The following SNTG2 variants were observed in gnomAD, a reference collection of about 807,000 sequenced individuals.
SNTG2 encodes syntrophin gamma 2, also known as gamma-2-syntrophin.
SNTG2 carries 74 observed loss-of-function variants against 70.9 expected under a neutral mutation model. The ratio of observed to expected loss-of-function variants is 1.04; its 90% CI spans 0.86 to 1.27. The LOEUF (loss-of-function observed/expected upper bound fraction) is 1.27. Ranked by LOEUF, SNTG2 falls within the 50% of genes most tolerant of loss-of-function variation. SNTG2 has a pLI of 0.00. For synonymous variants in SNTG2, 278 were observed against 273.8 expected (o/e 1.02, Z -0.15); for missense variants, 717 against 690.7 (o/e 1.04, Z -0.43).
intron 1 of SNTG2, among the ~76,000 whole-genome samples, chr2:999,218 A>G (rs778706804): frequency 1.3e-5 from 2 of 152,126 alleles, no homozygotes; most frequent in African/African-American, 2.4e-5. Context: ...TTATAAAACA[A>G]TTATGCAAAT....
chr2:1,123,112 ATAAT>A (rs1336063492), intron 4 of SNTG2, among the ~76,000 whole-genome samples: 2 of 152,228 alleles, frequency 1.3e-5, no homozygotes, highest in African/African-American at 4.8e-5. Context: ...TGGGCTCATC[ATAAT>A]TAATATTGCT....
At chr2:1,191,359 G>GT (rs1308412240) in intron 8 of SNTG2, among the ~76,000 whole-genome samples, 6 of 152,232 alleles carry the variant, frequency 3.9e-5, no homozygotes, top group African/African-American at 1.4e-4. Context: ...TCTTAAAGCA[G>GT]TCCCCCAGAT....
chr2:1,303,966 A>G (rs571478125), intron 14 of SNTG2, among the ~76,000 whole-genome samples: 1 of 152,110 alleles, frequency 6.6e-6, no homozygotes, highest in African/African-American at 2.4e-5. Flanking sequence ...TGTAGCTTAA[A>G]AACTTTCAAA....
At chr2:999,604 T>G (rs1164347216) in intron 1 of SNTG2, among the ~76,000 whole-genome samples, 1 of 151,998 alleles carries the variant, frequency 6.6e-6, no homozygotes, top group African/African-American at 2.4e-5. Flanking sequence ...CAATCATAAA[T>G]ATACATGCCC....
intron 14 of SNTG2, among the ~76,000 whole-genome samples, chr2:1,291,696 T>C (rs1175850213): frequency 6.6e-6 from 1 of 152,232 alleles, no homozygotes; most frequent in Non-Finnish European, 1.5e-5. Flanking sequence ...TTCTGTTCCA[T>C]TGATCTATGT....
chr2:1,228,785 G>A (rs1415100659), intron 9 of SNTG2, among the ~76,000 whole-genome samples: 2 of 152,226 alleles, frequency 1.3e-5, no homozygotes, highest in East Asian at 1.9e-4. Context: ...CTTCAAGAAC[G>A]AAGCCGCGGA....
chr2:1,243,940 C>T (rs60684205), intron 11 of SNTG2, among the ~76,000 whole-genome samples: 29,122 of 152,058 alleles, frequency 0.19, 4,045 homozygotes, highest in African/African-American at 0.38. Flanking sequence ...GCAGGAGAAT[C>T]GCTTCAACCC....
chr2:960,040 T>C (rs752583158), intron 1 of SNTG2, among the ~76,000 whole-genome samples: 2 of 152,164 alleles, frequency 1.3e-5, no homozygotes, highest in African/African-American at 2.4e-5. Flanking sequence ...AAAATGATAA[T>C]TTTCATAGTT....
intron 6 of SNTG2, among the ~76,000 whole-genome samples, chr2:1,155,351 CCACA>C: frequency 6.6e-6 from 1 of 152,018 alleles, no homozygotes; most frequent in Admixed American, 6.5e-5. Flanking sequence ...ACCACACACA[CCACA>C]CACACATGTC....
chr2:1,042,582 T>A (rs1010156875), intron 1 of SNTG2, among the ~76,000 whole-genome samples: 1 of 152,212 alleles, frequency 6.6e-6, no homozygotes, highest in Non-Finnish European at 1.5e-5. Context: ...CCATATGTAC[T>A]CAGTATTTAG....
intron 7 of SNTG2, among the ~76,000 whole-genome samples, chr2:1,169,161 G>A (rs28734845): frequency 0.25 from 37,793 of 151,948 alleles, 5,177 homozygotes; most frequent in East Asian, 0.44. Flanking sequence ...ACAGGCTCAC[G>A]AAGGAAGAAA....
intron 9 of SNTG2, among the ~76,000 whole-genome samples, chr2:1,222,542 ATCG>A (rs1558555933): frequency 8.6e-6 from 1 of 116,928 alleles, no homozygotes; most frequent in Non-Finnish European, 1.8e-5. Flanking sequence ...GAGGTGCTGG[ATCG>A]CTGTAGAGGA....
At chr2:1,065,926 T>C (rs987002340) in intron 1 of SNTG2, among the ~76,000 whole-genome samples, 7 of 152,160 alleles carry the variant, frequency 4.6e-5, no homozygotes, top group African/African-American at 7.2e-5. Context: ...AACTTACAGG[T>C]TACAAAAATA....
chr2:1,151,918 A>G (rs927666915), intron 6 of SNTG2, among the ~76,000 whole-genome samples: 1 of 143,102 alleles, frequency 7.0e-6, no homozygotes, highest in Non-Finnish European at 1.5e-5. Flanking sequence ...AATTGAAAAC[A>G]GATTTGCTCA....
chr2:1,104,820 C>T (rs1262841799), intron 4 of SNTG2, among the ~76,000 whole-genome samples: 6 of 152,178 alleles, frequency 3.9e-5, no homozygotes, highest in Non-Finnish European at 5.9e-5. Context: ...AGTATCTTTC[C>T]GTCCTCCCGT....
chr2:1,203,259 TCTAA>T (rs1673390597), intron 8 of SNTG2, among the ~76,000 whole-genome samples: 2 of 152,170 alleles, frequency 1.3e-5, no homozygotes, highest in African/African-American at 4.8e-5. Context: ...TGTACACTTT[TCTAA>T]CTCTTTCAGG....
intron 4 of SNTG2, among the ~76,000 whole-genome samples, chr2:1,118,234 G>A (rs1275414802): frequency 6.6e-6 from 1 of 152,028 alleles, no homozygotes; most frequent in Admixed American, 6.6e-5. Context: ...CACTGCAGCT[G>A]CTTGTGGGCC....
At chr2:1,302,326 G>A (rs140861909) in intron 14 of SNTG2, among the ~76,000 whole-genome samples, 2,477 of 152,196 alleles carry the variant, frequency 0.016, 21 homozygotes, top group Non-Finnish European at 0.025. Flanking sequence ...GATTCTAAAT[G>A]TATATGAAGA....
At chr2:1,213,481 G>A (rs1674178393) in intron 9 of SNTG2, among the ~76,000 whole-genome samples, 1 of 152,150 alleles carries the variant, frequency 6.6e-6, no homozygotes, top group Non-Finnish European at 1.5e-5. Context: ...TATGAGCTTT[G>A]CATACATTTA....
Sources: gnomAD v4.1 joint callset for allele counts (sites outside exome capture counted in the v4.1 genomes callset) on GRCh38, gnomAD v4.1.1 for gene constraint, MANE v1.5 for transcripts, NCBI Gene and HGNC (gene_info 2026-07-23, HGNC 2026-07-21) for gene names.